Variants in FHDC1 observed in about 807,000 individuals in gnomAD.
FHDC1 encodes FH2 domain containing 1, also known as FH2 domain-containing protein 1.
In FHDC1, 25 loss-of-function variants were observed where a neutral mutation model predicts 52.6. The observed-to-expected ratio is 0.48, with a 90% CI of 0.35 to 0.66. The LOEUF is 0.66. Among genes scored for constraint, FHDC1 ranks in the 30% least tolerant of loss-of-function variants. The pLI is 0.01. For missense variants in FHDC1, 1,459 were observed against 1,452.8 expected (o/e 1.00, Z -0.07); for synonymous variants, 616 against 581.5 (o/e 1.06, Z -0.85).
chr4:152,976,155 A>G lies in FHDC1; in HGVS notation c.2864A>G (p.Gln955Arg), dbSNP rs1317649713. Residue 955 changes from glutamine (Q) to arginine (R), a missense_variant, in exon 12 of 12, where the codon CAG becomes CGG. This residue lies in a region of FHDC1 where 939 missense variants were observed against 854.5 expected (regional missense o/e 1.10). Coordinates refer to ENST00000511601, the MANE Select transcript of FHDC1 (RefSeq NM_001371116.1). ...AGGGCCTCCACAGGCGCCGAAGAGC[A>G]GAGGCTGCCGCGGGGGAGCAGCGGC... ...VRRASTGAEEQRLPRGSSGSS... is the reference protein window; with the variant it reads ...VRRASTGAEERRLPRGSSGSS... The G allele has an allele frequency of 3.1e-6, 5 of 1,612,036 alleles. No individual in the cohort carries two copies. The South Asian group carries it at 4.4e-5, about 14-fold the overall frequency.
chr4:152,974,743 G>C lies in FHDC1; in HGVS notation c.1452G>C (p.Gln484His). 5 of 1,521,658 alleles carry C rather than the reference G, an allele frequency of 3.3e-6. No homozygotes were observed. The highest frequency in any genetic ancestry group is 4.4e-6 in the Non-Finnish European group (5 of 1,134,168). 94.3% of individuals were successfully genotyped at this position (1,521,658 alleles called of 1,614,324 possible). Residue 484 changes from glutamine to histidine, a missense_variant, in exon 12 of 12, where the codon CAG becomes CAC. This residue lies in a region of FHDC1 where 513 missense variants were observed against 581.5 expected (regional missense o/e 0.88). Transcript: ENST00000511601. Reference sequence around the variant, plus strand: ...GGCTGAAGGAGCAGGAGCAGAAGCAGCGCTCCTGGGCAACTGGGGAGCTGG... The same window carrying C: ...GGCTGAAGGAGCAGGAGCAGAAGCACCGCTCCTGGGCAACTGGGGAGCTGG... ...LQRLKEQEQK[Q>H]RSWATGELGA...
At chr4:152,963,882 T>A (rs559003667) in intron 8 of FHDC1, among the ~76,000 whole-genome samples, 1 of 146,112 alleles carries the variant, frequency 6.8e-6, no homozygotes, top group South Asian at 2.2e-4. Flanking sequence ...TTTGAAATGA[T>A]CTCAGCTAAT....
chr4:152,976,870 C>T lies in FHDC1; in HGVS notation c.*147C>T. On this transcript the variant is annotated 3_prime_UTR_variant, in exon 12 of 12. Coordinates refer to ENST00000511601, the MANE Select transcript of FHDC1 (RefSeq NM_001371116.1). ...AGTGACGCTGTTGGGATGGCACAGT[C>T]CAGGAGGCCTGTGGACTGCAGCCTG... The T allele has an allele frequency of 1.9e-6, 2 of 1,079,866 alleles. No individual in the cohort carries two copies. Among genetic ancestry groups the T allele is most frequent in the Non-Finnish European group, 2.5e-6 (2 of 788,556 alleles). The allele number at this position is 1,079,866 out of a possible 1,614,324, so 66.9% of individuals were successfully genotyped here.
At chr4:152,937,292 C>A (rs1251839664) in intron 1 of FHDC1, among the ~76,000 whole-genome samples, 2 of 152,164 alleles carry the variant, frequency 1.3e-5, no homozygotes, top group African/African-American at 4.8e-5. Flanking sequence ...GAGCGCGCGG[C>A]CGCCGCAGAC....
In FHDC1 at chr4:152,976,816, C is replaced by A; in HGVS notation, c.*93C>A. ...GGAAAGAGGCAGCATGTCTTTGTTA[C>A]AGATAAAGCAGCCACTGGTGCCACT... is the stretch of plus-strand genomic sequence containing the variant. On this transcript the variant is annotated 3_prime_UTR_variant, in exon 12 of 12. Transcript: ENST00000511601. The A allele has an allele frequency of 2.1e-6, 3 of 1,413,406 alleles. No individual in the cohort carries two copies. Among genetic ancestry groups the A allele is most frequent in the Non-Finnish European group, 2.8e-6 (3 of 1,074,618 alleles). 87.6% of individuals were successfully genotyped at this position (1,413,406 alleles called of 1,614,324 possible). A position where few individuals can be genotyped will look rare whatever the true frequency, so the allele number is the denominator to read the frequency against.
At chr4:152,925,521 T>G in the FHDC1 span, among the ~76,000 whole-genome samples, 1 of 152,090 alleles carries the variant, frequency 6.6e-6, no homozygotes, top group Non-Finnish European at 1.5e-5. Flanking sequence ...TAGAGGGAAA[T>G]TAAAAACAAA....
the FHDC1 span, chr4:152,928,244 T>C: frequency 4.3e-6 from 3 of 705,728 alleles, no homozygotes; most frequent in South Asian, 4.6e-5. Flanking sequence ...TCCTCCCCAA[T>C]GGTAGATCGG....
chr4:152,928,053 C>T, the FHDC1 span: 2 of 1,421,184 alleles, frequency 1.4e-6, no homozygotes, highest in Non-Finnish European at 2.0e-6. Context: ...ATCCACTGCC[C>T]CTCTGCTGCA....
In FHDC1 at chr4:152,968,024, TC is replaced by T; in HGVS notation, c.1146del (p.Arg383GlyfsTer5). 1.9e-6 allele frequency: 3 copies of T among 1,613,926 alleles called. No homozygotes were observed. The highest frequency in any genetic ancestry group is 2.5e-6 in the Non-Finnish European group (3 of 1,179,912). On this transcript the variant is annotated frameshift_variant, in exon 10 of 12. Coordinates refer to ENST00000511601, the MANE Select transcript of FHDC1 (RefSeq NM_001371116.1). LOFTEE classifies it high-confidence loss of function. ...NTEAELHLLF[V>X]RTKSLKENIQ... Reference sequence around the variant, plus strand: ...GAGGCAGAACTGCACTTGCTGTTTGTCAGGACAAAATCACTAAAAGAAAACA... The same window carrying T: ...GAGGCAGAACTGCACTTGCTGTTTGTAGGACAAAATCACTAAAAGAAAACA...
rs755843881 is a variant in FHDC1, at chr4:152,943,201, A to G, written c.144A>G (p.Ser48=). The change falls in exon 2 of 12, where the codon TCA becomes TCG. Residue 48 remains serine (S), a synonymous_variant. Coordinates refer to ENST00000511601, the MANE Select transcript of FHDC1 (RefSeq NM_001371116.1). ...PPPPPPSPPC[S]CSREECPSSP... is the part of the protein sequence containing the mutation. ...CACCCCCTCCATCTCCACCATGTTC[A>G]TGTTCAAGGGAAGAGTGTCCTTCCT... is the stretch of plus-strand genomic sequence containing the variant. The G allele has an allele frequency of 6.2e-7, 1 of 1,603,778 alleles. No homozygotes were observed. Among genetic ancestry groups the G allele is most frequent in the Non-Finnish European group, 8.5e-7 (1 of 1,175,224 alleles).
In FHDC1 at chr4:152,976,690, G is replaced by T; in HGVS notation, c.3399G>T (p.Thr1133=). 1 of 1,516,604 alleles carries T rather than the reference G, an allele frequency of 6.6e-7. No homozygotes were observed. Among genetic ancestry groups the T allele is most frequent in the Middle Eastern group, 1.8e-4 (1 of 5,550 alleles). 93.9% of individuals were successfully genotyped at this position (1,516,604 alleles called of 1,614,324 possible). ...SLRRKDSSRT[T]LGRILNPLRK is the part of the protein sequence containing the mutation. ...GTCGGAAGGACTCCAGTCGGACCAC[G>T]CTGGGGAGAATCCTCAATCCCTTAC... The change falls in exon 12 of 12, where the codon ACG becomes ACT. Residue 1133 remains threonine, a synonymous_variant. Coordinates refer to ENST00000511601, the MANE Select transcript of FHDC1 (RefSeq NM_001371116.1).
At chr4:152,946,086 C>T (rs368901237) in intron 2 of FHDC1, among the ~76,000 whole-genome samples, 1 of 152,294 alleles carries the variant, frequency 6.6e-6, no homozygotes, top group African/African-American at 2.4e-5. Flanking sequence ...AATACTATTC[C>T]ATTGTATATA....
the FHDC1 span, chr4:152,927,747 A>G: frequency 7.0e-7 from 1 of 1,425,948 alleles, no homozygotes; most frequent in Non-Finnish European, 9.9e-7. Context: ...GAACTAATAG[A>G]AAAGCAACAA....
At chr4:152,972,872 T>G (rs1428468838) in intron 11 of FHDC1, among the ~76,000 whole-genome samples, 1 of 152,234 alleles carries the variant, frequency 6.6e-6, no homozygotes, top group Non-Finnish European at 1.5e-5. Flanking sequence ...AAAAGTCTCT[T>G]GAAGATCCTG....
chr4:152,962,943 G>GTT lies in FHDC1; in HGVS notation c.921+60_921+61insTT, dbSNP rs1347641679. ...TTTTCAACCTTGTCTATCTAAAGGTGTGTGTGTGTGTGTGTGTGTGTGTGT... is the reference window on the plus strand; with the variant it reads ...TTTTCAACCTTGTCTATCTAAAGGTGTTTGTGTGTGTGTGTGTGTGTGTGTGT... On this transcript the variant is annotated intron_variant, in intron 7 of 11. Coordinates refer to ENST00000511601, the MANE Select transcript of FHDC1 (RefSeq NM_001371116.1). 38 of 902,632 alleles carry GTT rather than the reference G, an allele frequency of 4.2e-5. No individual in the cohort carries two copies. The African/African-American group carries it at 7.1e-4, about 17-fold the overall frequency. 55.9% of individuals were successfully genotyped at this position (902,632 alleles called of 1,614,324 possible). A position where few individuals can be genotyped will look rare whatever the true frequency, so the allele number is the denominator to read the frequency against.
At chr4:152,961,824 G>A (rs1038491118) in intron 6 of FHDC1, among the ~76,000 whole-genome samples, 1 of 152,154 alleles carries the variant, frequency 6.6e-6, no homozygotes, top group Admixed American at 6.5e-5. Context: ...TTTCAACATA[G>A]AGGCCTTTAA....
At chr4:152,930,044 C>T in the FHDC1 span, among the ~76,000 whole-genome samples, 1 of 152,212 alleles carries the variant, frequency 6.6e-6, no homozygotes, top group South Asian at 2.1e-4. Context: ...GCCCTGCACT[C>T]CCTCCCTGCC....
rs745612137 is a variant in FHDC1, at chr4:152,976,459, A to C, written c.3168A>C (p.Lys1056Asn). ...SMRTDLPPVA[K>N]APGITRTVSQ... ...GAACAGATCTTCCTCCCGTGGCCAA[A>C]GCCCCCGGCATCACTCGGACAGTGT... is the stretch of plus-strand genomic sequence containing the variant. Residue 1056 changes from lysine (K) to asparagine (N), a missense_variant, in exon 12 of 12, where the codon AAA (lysine) becomes AAC (asparagine). Lys to Asn is a moderately conservative substitution (Grantham distance 94). This residue lies in a region of FHDC1 where 939 missense variants were observed against 854.5 expected (regional missense o/e 1.10). Coordinates refer to ENST00000511601, the MANE Select transcript of FHDC1 (RefSeq NM_001371116.1). The C allele has an allele frequency of 3.1e-6, 5 of 1,613,598 alleles. No homozygotes were observed. The highest frequency in any genetic ancestry group is 4.2e-6 in the Non-Finnish European group (5 of 1,180,024).
At chr4:152,924,875 G>T in the FHDC1 span, among the ~76,000 whole-genome samples, 1 of 113,376 alleles carries the variant, frequency 8.8e-6, no homozygotes, top group South Asian at 3.8e-4. Context: ...GTGGGGGGAG[G>T]GGGGAGGGAT....
Sources: gnomAD v4.1 joint callset for allele counts (sites outside exome capture counted in the v4.1 genomes callset) on GRCh38, gnomAD v4.1.1 for gene constraint, gnomAD v4.1.1 regional missense constraint, MANE v1.5 for transcripts, NCBI Gene and HGNC (gene_info 2026-07-23, HGNC 2026-07-21) for gene names.